POLA2: variants seen among roughly 807,000 people sequenced by gnomAD.
POLA2 encodes DNA polymerase alpha 2, accessory subunit, also known as DNA polymerase alpha subunit B.
Under a neutral mutation model 82.8 loss-of-function variants are expected in POLA2, and 47 were observed. The ratio of observed to expected loss-of-function variants is 0.57; its 90% CI spans 0.45 to 0.72. The LOEUF is 0.72. Among genes scored for constraint, POLA2 ranks in the 30% least tolerant of loss-of-function variants. The pLI, the probability that POLA2 is intolerant of heterozygous loss-of-function variation, is 0.00. For missense variants in POLA2, 634 were observed against 728.1 expected (o/e 0.87, Z 1.49); for synonymous variants, 287 against 286.8 (o/e 1.00, Z -0.01).
Position 65,273,160 on chromosome 11 carries a change from A to C in POLA2, c.355-2732A>C, listed in dbSNP as rs1185987989. Reference sequence around the variant, plus strand: ...AATGGCAAAACCCCATCTCTACTAAAAATACAAAAATTATCCCGGCATGGT... The same window carrying C: ...AATGGCAAAACCCCATCTCTACTAACAATACAAAAATTATCCCGGCATGGT... On this transcript the variant is annotated intron_variant, in intron 4 of 17. Coordinates refer to ENST00000265465, the MANE Select transcript of POLA2 (RefSeq NM_002689.4). Among the ~76,000 whole-genome samples the C allele has an allele frequency of 5.3e-5, 8 of 151,816 alleles. No homozygotes were observed. The East Asian group carries it at 1.6e-3, about 29-fold the overall frequency.
At chr11:65,275,543 T>C (rs1188117804) in intron 4 of POLA2, among the ~76,000 whole-genome samples, 1 of 152,166 alleles carries the variant, frequency 6.6e-6, no homozygotes, top group Non-Finnish European at 1.5e-5. Flanking sequence ...AGATCAAAAC[T>C]ATGCATTGTA....
chr11:65,299,205 C>T (rs78516787), downstream of POLA2, among the ~76,000 whole-genome samples: 31 of 152,356 alleles, frequency 2.0e-4, no homozygotes, highest in East Asian at 6.0e-3. Context: ...TCAGGCCCGT[C>T]TGCCTCAGCC....
rs976799104 is a variant in POLA2, at chr11:65,266,572, C to T, written c.80-10C>T. The T allele has an allele frequency of 3.7e-6, 6 of 1,612,910 alleles. No homozygotes were observed. The highest frequency in any genetic ancestry group is 5.1e-6 in the Non-Finnish European group (6 of 1,179,560). On this transcript the variant is annotated splice_polypyrimidine_tract_variant and intron_variant, in intron 1 of 17. Coordinates refer to ENST00000265465, the MANE Select transcript of POLA2 (RefSeq NM_002689.4). ...CTAAGTTTTTACTTGTCCAATTTTC[C>T]TTTCTACAGTGGTAGAGCTTTGTGT...
chr11:65,271,427 TAGACTGATGCGTA>T (rs1202844028), intron 4 of POLA2, among the ~76,000 whole-genome samples: 1 of 152,228 alleles, frequency 6.6e-6, no homozygotes, highest in African/African-American at 2.4e-5. Flanking sequence ...CAGCTGTCAG[TAGACTGATGCGTA>T]AGCCAGGTGC....
chr11:65,275,792 T>G, intron 4 of POLA2, 100 bp from the exon 5 acceptor site: 1 of 557,540 alleles, frequency 1.8e-6, no homozygotes, highest in South Asian at 3.1e-5. Flanking sequence ...ATTTTGTGCC[T>G]TCGTTTGGAC....
chr11:65,292,345 G>C (rs1328603232), intron 13 of POLA2, among the ~76,000 whole-genome samples: 3 of 152,238 alleles, frequency 2.0e-5, no homozygotes, highest in Non-Finnish European at 4.4e-5. Context: ...TGTGACGTAC[G>C]AGGTTGTGCA....
At chr11:65,288,936 T>C in intron 11 of POLA2, 114 bp from the exon 12 acceptor site, 1 of 992,668 alleles carries the variant, frequency 1.0e-6, no homozygotes, top group Non-Finnish European at 1.6e-6. Flanking sequence ...CAGGCAGCCT[T>C]GGAGGGACAG....
At position 65,269,314 on chromosome 11, in the gene POLA2, C is replaced by G. The variant is rs540856683; in HGVS notation, c.354+585C>G. On this transcript the variant is annotated intron_variant, in intron 4 of 17. Transcript: ENST00000265465. ...TGGTTAACATGGTGAAACTCTGTCT[C>G]TACCATAAATACAAAAAAAGAAATT... Among the ~76,000 whole-genome samples, 4 of 152,194 alleles carry G rather than the reference C, an allele frequency of 2.6e-5. No individual in the cohort carries two copies. In the South Asian group the frequency reaches 8.3e-4, roughly 32 times the overall value.
At position 65,267,392 on chromosome 11, in the gene POLA2, A is replaced by G. The variant is rs374117713; in HGVS notation, c.205-85A>G. 412 of 723,206 alleles carry G rather than the reference A, an allele frequency of 5.7e-4. 6 individuals carry two copies. The South Asian group carries it at 6.0e-3, about 10-fold the overall frequency. The allele number at this position is 723,206 out of a possible 1,614,324, so 44.8% of individuals were successfully genotyped here. On this transcript the variant is annotated intron_variant, in intron 2 of 17. Coordinates refer to ENST00000265465, the MANE Select transcript of POLA2 (RefSeq NM_002689.4). ...TTAGATCTTTGATTATATTTTGAATACCTTTTATTATCTCAAGGCTTTTGA... is the reference window on the plus strand; with the variant it reads ...TTAGATCTTTGATTATATTTTGAATGCCTTTTATTATCTCAAGGCTTTTGA...
rs1173566187 is a variant in POLA2 at position 65,262,075 on chromosome 11, C to T, written c.-218C>T. On this transcript the variant is annotated 5_prime_UTR_variant, in exon 1 of 18. Coordinates refer to ENST00000265465, the MANE Select transcript of POLA2 (RefSeq NM_002689.4). The stretch of plus-strand genomic sequence containing the variant: ...TCCCTCCATTCAGGGCGTTTGGGAG[C>T]CACCCCTTCATTTTTTAAAAAAAGT... 3.6e-6 allele frequency: 2 copies of T among 554,002 alleles called. No individual in the cohort carries two copies. Among genetic ancestry groups the T allele is most frequent in the Non-Finnish European group, 3.2e-6 (1 of 313,898 alleles). The allele number at this position is 554,002 out of a possible 1,614,324, so 34.3% of individuals were successfully genotyped here. A position where few individuals can be genotyped will look rare whatever the true frequency, so the allele number is the denominator to read the frequency against.
intron 7 of POLA2, chr11:65,280,621 A>G (rs1323405367): frequency 4.5e-6 from 1 of 221,206 alleles, no homozygotes; most frequent in Non-Finnish European, 9.1e-6. Flanking sequence ...GTATTTAGTA[A>G]GCTCAAGAAA....
intron 11 of POLA2, among the ~76,000 whole-genome samples, chr11:65,288,626 A>G (rs1348644554): frequency 6.8e-6 from 1 of 146,382 alleles, no homozygotes; most frequent in African/African-American, 2.5e-5. Context: ...AGCCTCCCCT[A>G]TCCTCCCTGA....
chr11:65,288,766 C>A (rs142871325), intron 11 of POLA2, among the ~76,000 whole-genome samples: 2 of 152,168 alleles, frequency 1.3e-5, no homozygotes, highest in Non-Finnish European at 2.9e-5. Flanking sequence ...GCAATCTGCC[C>A]ACCTCAGCTT....
chr11:65,301,171 G>A (rs1461739596), downstream of POLA2, among the ~76,000 whole-genome samples: 2 of 152,116 alleles, frequency 1.3e-5, no homozygotes, highest in Non-Finnish European at 2.9e-5. Context: ...AGGGAGGAGG[G>A]ACAGAGGGCG....
intron 4 of POLA2, among the ~76,000 whole-genome samples, chr11:65,269,601 G>T (rs1344783299): frequency 6.6e-6 from 1 of 152,158 alleles, no homozygotes; most frequent in Non-Finnish European, 1.5e-5. Flanking sequence ...GACAGCCAGT[G>T]CACAATATCC....
intron 4 of POLA2, among the ~76,000 whole-genome samples, chr11:65,272,202 G>A (rs563920694): frequency 2.0e-5 from 3 of 152,182 alleles, no homozygotes; most frequent in Non-Finnish European, 2.9e-5. Context: ...CCAGCTACTC[G>A]AGAGGCTGAG....
chr11:65,280,725 G>A, intron 7 of POLA2: 1 of 432,130 alleles, frequency 2.3e-6, no homozygotes. Context: ...CCAGGGGCAA[G>A]TTCCCCTACA....
intron 4 of POLA2, among the ~76,000 whole-genome samples, chr11:65,270,036 C>G (rs1949505974): frequency 6.6e-6 from 1 of 152,148 alleles, no homozygotes; most frequent in Non-Finnish European, 1.5e-5. Flanking sequence ...TTCACCATGT[C>G]AGCCAGGCTG....
chr11:65,268,544 G>T, intron 3 of POLA2, 128 bp from the exon 4 acceptor site: 1 of 611,112 alleles, frequency 1.6e-6, no homozygotes, highest in East Asian at 3.1e-5. Flanking sequence ...GGGTTTCACT[G>T]TGTTAGCCAG....
Sources: allele counts gnomAD v4.1 joint callset (sites outside exome capture counted in the v4.1 genomes callset), GRCh38; gene constraint gnomAD v4.1.1; transcripts MANE v1.5; gene names NCBI Gene and HGNC (gene_info 2026-07-23, HGNC 2026-07-21).